LRMDA: variants seen among roughly 807,000 people sequenced by gnomAD.
LRMDA encodes the protein leucine-rich melanocyte differentiation-associated protein.
A neutral mutation model predicts 29.8 loss-of-function variants in LRMDA; 18 were observed. The observed-to-expected ratio is 0.60, with a 90% CI of 0.42 to 0.90. The LOEUF is 0.90. Among genes scored for constraint, LRMDA ranks in the 40% least tolerant of loss-of-function variants. The pLI is 0.00. For missense variants in LRMDA, 273 were observed against 273.9 expected (o/e 1.00, Z 0.02); for synonymous variants, 125 against 109.4 (o/e 1.14, Z -0.89).
At chr10:75,854,546 C>G (rs1844789011) in intron 2 of LRMDA, among the ~76,000 whole-genome samples, 1 of 151,516 alleles carries the variant, frequency 6.6e-6, no homozygotes, top group Non-Finnish European at 1.5e-5. Context: ...GGAAAAATGA[C>G]CAATTTATTT....
At chr10:76,398,468 C>T (rs1203727011) in intron 6 of LRMDA, among the ~76,000 whole-genome samples, 1 of 152,174 alleles carries the variant, frequency 6.6e-6, no homozygotes, top group African/African-American at 2.4e-5. Context: ...TAAAACTTGC[C>T]TAGTCAACGA....
At chr10:76,125,586 C>A (rs1849866005) in intron 5 of LRMDA, among the ~76,000 whole-genome samples, 1 of 152,156 alleles carries the variant, frequency 6.6e-6, no homozygotes, top group African/African-American at 2.4e-5. Flanking sequence ...TGCCTACCAT[C>A]TGTCAAGGCA....
At chr10:76,315,603 C>T (rs1054310938) in intron 5 of LRMDA, among the ~76,000 whole-genome samples, 23 of 82,818 alleles carry the variant, frequency 2.8e-4, no homozygotes, top group Admixed American at 1.2e-3. Flanking sequence ...CGTCAGTGAG[C>T]GCAGGAAGCA....
intron 5 of LRMDA, among the ~76,000 whole-genome samples, chr10:76,074,343 A>G (rs946352155): frequency 6.6e-6 from 1 of 152,182 alleles, no homozygotes; most frequent in Admixed American, 6.5e-5. Context: ...GGAGGCCAAG[A>G]GGGTGACTTA....
intron 5 of LRMDA, among the ~76,000 whole-genome samples, chr10:76,156,489 C>T (rs767727152): frequency 3.3e-5 from 5 of 152,124 alleles, no homozygotes; most frequent in Non-Finnish European, 5.9e-5. Context: ...GACTTCTGAC[C>T]CTTCCTCCTT....
intron 5 of LRMDA, among the ~76,000 whole-genome samples, chr10:76,175,226 T>C (rs1850911862): frequency 6.6e-6 from 1 of 152,226 alleles, no homozygotes; most frequent in African/African-American, 2.4e-5. Flanking sequence ...GTTCATTTTG[T>C]TGAGACCCTG....
chr10:76,011,954 C>G (rs899790811), intron 2 of LRMDA, among the ~76,000 whole-genome samples: 2 of 152,116 alleles, frequency 1.3e-5, no homozygotes, highest in African/African-American at 4.8e-5. Flanking sequence ...TGCTCCCTTC[C>G]CAAAGTCCAG....
At chr10:76,454,323 A>G (rs1014604134) in intron 6 of LRMDA, among the ~76,000 whole-genome samples, 2 of 152,082 alleles carry the variant, frequency 1.3e-5, no homozygotes, top group African/African-American at 4.8e-5. Flanking sequence ...AAGAGTCACT[A>G]ATCATATTAC....
chr10:76,017,676 G>A (rs141488959), intron 2 of LRMDA, among the ~76,000 whole-genome samples: 13 of 152,282 alleles, frequency 8.5e-5, no homozygotes, highest in Admixed American at 2.6e-4. Context: ...TACTTCCCAT[G>A]GAGAAAGTAG....
intron 2 of LRMDA, among the ~76,000 whole-genome samples, chr10:76,014,130 ATATATATATATATAAT>A (rs1328904871): frequency 2.7e-4 from 37 of 136,670 alleles, no homozygotes; most frequent in African/African-American, 6.9e-4. Flanking sequence ...ATATAATTAT[ATATATATATATATAAT>A]TATATATATA....
rs112211360 is a variant in LRMDA, at chr10:76,394,713, T to C, written c.601+70228T>C. Among the ~76,000 whole-genome samples, 16 of 152,302 alleles carry C rather than the reference T, an allele frequency of 1.1e-4. 1 individual carries two copies. The highest frequency in any genetic ancestry group is 3.9e-4 in the African/African-American group (16 of 41,558). On this transcript the variant is annotated intron_variant, in intron 6 of 6. Coordinates refer to ENST00000611255, the MANE Select transcript of LRMDA (RefSeq NM_001305581.2). ...ATGCAAGGCGGATTACTACTATTCC[T>C]ACAGTGCTACTGTTATTATTAATTT...
At chr10:76,413,308 A>G (rs1334235502) in intron 6 of LRMDA, among the ~76,000 whole-genome samples, 1 of 152,192 alleles carries the variant, frequency 6.6e-6, no homozygotes, top group Non-Finnish European at 1.5e-5. Flanking sequence ...TCACACTGCT[A>G]ATAAAGACAT....
intron 2 of LRMDA, chr10:75,883,661 G>A (rs962180206): frequency 1.3e-5 from 2 of 152,062 alleles, no homozygotes; most frequent in African/African-American, 2.4e-5. Context: ...ATACTTTTGT[G>A]TTGACATTTA....
intron 6 of LRMDA, among the ~76,000 whole-genome samples, chr10:76,345,777 C>T (rs941232557): frequency 2.0e-5 from 3 of 151,956 alleles, no homozygotes; most frequent in Non-Finnish European, 2.9e-5. Flanking sequence ...CTGCCAATAA[C>T]CTAACAATTA....
intron 2 of LRMDA, among the ~76,000 whole-genome samples, chr10:75,571,721 T>C (rs1015626403): frequency 6.6e-6 from 1 of 152,120 alleles, no homozygotes; most frequent in Non-Finnish European, 1.5e-5. Flanking sequence ...CATTAGATTC[T>C]GTCAAGTCTA....
At chr10:76,150,598 TTG>T (rs1850422296) in intron 5 of LRMDA, among the ~76,000 whole-genome samples, 2 of 152,182 alleles carry the variant, frequency 1.3e-5, no homozygotes, top group Admixed American at 1.3e-4. Flanking sequence ...AAGCGGATGT[TTG>T]TGTGTGTGGC....
At chr10:76,341,460 C>A (rs1841040497) in intron 6 of LRMDA, among the ~76,000 whole-genome samples, 1 of 152,042 alleles carries the variant, frequency 6.6e-6, no homozygotes, top group East Asian at 1.9e-4. Context: ...AACTCTGTAC[C>A]CTAACAATAT....
intron 2 of LRMDA, among the ~76,000 whole-genome samples, chr10:75,832,976 T>C (rs1250537986): frequency 1.3e-5 from 2 of 152,156 alleles, no homozygotes; most frequent in African/African-American, 4.8e-5. Context: ...AGTCAAACCA[T>C]TTCATATACT....
rs527366991 is a variant in LRMDA at position 76,041,582 on chromosome 10, G to T, written c.258+5448G>T. Among the ~76,000 whole-genome samples the T allele has an allele frequency of 7.9e-5, 12 of 152,290 alleles. No individual in the cohort carries two copies. In the South Asian group the frequency reaches 2.5e-3, roughly 32 times the overall value. On this transcript the variant is annotated intron_variant, in intron 3 of 6. Transcript: ENST00000611255. The stretch of plus-strand genomic sequence containing the variant: ...GGTTATGGAGGTTGCCCTTTAACCC[G>T]CAGCTGAGCCCAGAGGGAGGGATGT...
Sources: gnomAD v4.1 joint callset for allele counts (sites outside exome capture counted in the v4.1 genomes callset) on GRCh38, gnomAD v4.1.1 for gene constraint, MANE v1.5 for transcripts, NCBI Gene and HGNC (gene_info 2026-07-23, HGNC 2026-07-21) for gene names.